Variants in CDH18 observed in about 807,000 individuals in gnomAD.
The protein encoded by CDH18 is cadherin-18.
In CDH18, 31 loss-of-function variants were observed where a neutral mutation model predicts 67.9. That is an observed-to-expected ratio of 0.46 (90% confidence interval 0.34 to 0.62). The LOEUF is 0.62. Among genes scored for constraint, CDH18 ranks in the 20% least tolerant of loss-of-function variants. The probability of loss-of-function intolerance (pLI) is 0.01; values close to 1 mark genes in which losing one functional copy is unlikely to be tolerated. For synonymous variants in CDH18, 362 were observed against 347.2 expected, an observed-to-expected ratio of 1.04 and a Z score of -0.48; for missense variants, 890 against 975.5, an observed-to-expected ratio of 0.91 and a Z score of 1.17.
chr5:20,198,369 A>T (rs949086786), intron 2 of CDH18, among the ~76,000 whole-genome samples: 4 of 152,142 alleles, frequency 2.6e-5, no homozygotes, highest in Admixed American at 6.5e-5. Context: ...ATCTCAGATG[A>T]AGATGAGGAA....
At chr5:20,208,849 T>C (rs1301321191) in intron 2 of CDH18, among the ~76,000 whole-genome samples, 1 of 151,898 alleles carries the variant, frequency 6.6e-6, no homozygotes, top group Non-Finnish European at 1.5e-5. Flanking sequence ...AACCAGAATA[T>C]ATAAAGAATA....
chr5:20,287,340 G>A (rs1291050431), intron 1 of CDH18, among the ~76,000 whole-genome samples: 2 of 151,608 alleles, frequency 1.3e-5, no homozygotes, highest in Non-Finnish European at 3.0e-5. Context: ...TAGAATGTTA[G>A]GCATAGAGTG....
At chr5:19,753,751 GAA>G (rs1217342012) in intron 3 of CDH18, among the ~76,000 whole-genome samples, 3 of 152,166 alleles carry the variant, frequency 2.0e-5, no homozygotes, top group African/African-American at 7.2e-5. Context: ...TCCTACAAAG[GAA>G]AACCTATCAG....
In CDH18 at chr5:19,715,815, CTT is replaced by C. The variant is rs35593653; in HGVS notation, c.643+5530_643+5531del. ...TAATTTTGGAAATTCTTGTCGATCTCTTTTTTTTTTTTTTTTTGAGATGGAGT... is the reference window on the plus strand; with the variant it reads ...TAATTTTGGAAATTCTTGTCGATCTCTTTTTTTTTTTTTTTGAGATGGAGT... On this transcript the variant is annotated intron_variant, in intron 5 of 12. Coordinates refer to ENST00000382275, the MANE Select transcript of CDH18 (RefSeq NM_004934.5). Among the ~76,000 whole-genome samples, 408 of 119,326 alleles carry C rather than the reference CTT, an allele frequency of 3.4e-3. 1 individual carries two copies. Among genetic ancestry groups the C allele is most frequent in the Middle Eastern group, 4.9e-3 (1 of 206 alleles). The allele number at this position is 119,326 out of a possible 152,430, so 78.3% of individuals were successfully genotyped here.
chr5:19,679,344 A>G (rs932353345), intron 5 of CDH18, among the ~76,000 whole-genome samples: 1 of 152,018 alleles, frequency 6.6e-6, no homozygotes, highest in East Asian at 1.9e-4. Context: ...CACAGCCAAC[A>G]TCATATGGAA....
At chr5:20,358,260 A>T (rs1199209422) in intron 1 of CDH18, among the ~76,000 whole-genome samples, 1 of 152,176 alleles carries the variant, frequency 6.6e-6, no homozygotes, top group Non-Finnish European at 1.5e-5. Context: ...GCATCATAAA[A>T]TATAACCATG....
intron 3 of CDH18, among the ~76,000 whole-genome samples, chr5:19,786,268 T>C (rs530664685): frequency 6.6e-6 from 1 of 152,276 alleles, no homozygotes; most frequent in East Asian, 1.9e-4. Context: ...TGCCTCTCAA[T>C]TTCTGGTTTT....
chr5:20,196,163 T>C (rs1048069424), intron 2 of CDH18, among the ~76,000 whole-genome samples: 8 of 152,146 alleles, frequency 5.3e-5, no homozygotes, highest in African/African-American at 1.9e-4. Flanking sequence ...TGTTTGTTTT[T>C]CATCACAATT....
intron 5 of CDH18, among the ~76,000 whole-genome samples, chr5:19,661,797 A>T (rs1390091324): frequency 6.6e-6 from 1 of 152,088 alleles, no homozygotes; most frequent in Non-Finnish European, 1.5e-5. Flanking sequence ...TCAAGCTCAG[A>T]TAGAACAGTG....
At chr5:19,552,478 G>T (rs969195476) in intron 8 of CDH18, among the ~76,000 whole-genome samples, 1 of 152,018 alleles carries the variant, frequency 6.6e-6, no homozygotes, top group African/African-American at 2.4e-5. Context: ...AAGCATATGT[G>T]GTCAAAAGTG....
At chr5:20,298,049 T>G (rs1457531133) in intron 1 of CDH18, among the ~76,000 whole-genome samples, 1 of 152,076 alleles carries the variant, frequency 6.6e-6, no homozygotes, top group Non-Finnish European at 1.5e-5. Flanking sequence ...GCCGTAAGAC[T>G]TTTTTCCACC....
At chr5:19,912,584 G>A (rs1791273898) in intron 2 of CDH18, among the ~76,000 whole-genome samples, 2 of 152,166 alleles carry the variant, frequency 1.3e-5, no homozygotes, top group Non-Finnish European at 2.9e-5. Context: ...ATTTGCAAGT[G>A]AAGAAGAAGA....
intron 2 of CDH18, among the ~76,000 whole-genome samples, chr5:19,968,078 A>C (rs1797642346): frequency 6.6e-6 from 1 of 150,954 alleles, no homozygotes; most frequent in African/African-American, 2.5e-5. Flanking sequence ...TCATGAGTGA[A>C]CTCCCATTCA....
At chr5:19,738,766 G>A (rs1403334286) in intron 4 of CDH18, among the ~76,000 whole-genome samples, 6 of 152,072 alleles carry the variant, frequency 3.9e-5, no homozygotes, top group Non-Finnish European at 7.4e-5. Flanking sequence ...GAGAGGATCA[G>A]GAAAAATAAC....
intron 1 of CDH18, among the ~76,000 whole-genome samples, chr5:20,373,026 C>G (rs537493351): frequency 6.6e-6 from 1 of 152,148 alleles, no homozygotes; most frequent in Admixed American, 6.6e-5. Flanking sequence ...ATGACAGGAA[C>G]AAATGCCCAT....
chr5:19,495,269 T>C (rs976407318), intron 11 of CDH18, among the ~76,000 whole-genome samples: 10 of 152,308 alleles, frequency 6.6e-5, no homozygotes, highest in Non-Finnish European at 1.0e-4. Flanking sequence ...ATCTTCATGA[T>C]AATTAGACTA....
intron 8 of CDH18, among the ~76,000 whole-genome samples, chr5:19,555,872 C>T (rs1421773834): frequency 2.0e-5 from 3 of 152,220 alleles, no homozygotes; most frequent in Non-Finnish European, 4.4e-5. Flanking sequence ...GAGTCTACTT[C>T]ACTCCCCTGC....
At chr5:20,395,886 T>C (rs1745236965) in intron 1 of CDH18, among the ~76,000 whole-genome samples, 1 of 152,102 alleles carries the variant, frequency 6.6e-6, no homozygotes, top group African/African-American at 2.4e-5. Flanking sequence ...TCCAGATCGC[T>C]GAGGATGTGG....
chr5:20,076,010 G>A (rs1743897634), intron 2 of CDH18, among the ~76,000 whole-genome samples: 1 of 152,104 alleles, frequency 6.6e-6, no homozygotes, highest in Admixed American at 6.6e-5. Flanking sequence ...CTATCTGTGT[G>A]ATAGTTAAAA....
Sources: gnomAD v4.1 joint callset for allele counts (sites outside exome capture counted in the v4.1 genomes callset) on GRCh38, gnomAD v4.1.1 for gene constraint, MANE v1.5 for transcripts, NCBI Gene and HGNC (gene_info 2026-07-23, HGNC 2026-07-21) for gene names.